MRPS25: variants seen among roughly 807,000 people sequenced by gnomAD.
The protein encoded by MRPS25 is small ribosomal subunit protein mS25.
MRPS25 carries 15 observed loss-of-function variants against 17.3 expected under a neutral mutation model. The observed-to-expected ratio is 0.87, with a 90% CI of 0.58 to 1.34. MRPS25 has a LOEUF of 1.34. Among genes scored for constraint, MRPS25 ranks in the 40% most tolerant of loss-of-function variants. The pLI is 0.00. For missense variants in MRPS25, 225 were observed against 218.6 expected, an observed-to-expected ratio of 1.03 and a Z score of -0.19; for synonymous variants, 94 against 83.3, an observed-to-expected ratio of 1.13 and a Z score of -0.70.
chr3:15,056,287 A>G (rs2042672476), intron 2 of MRPS25, among the ~76,000 whole-genome samples: 1 of 152,210 alleles, frequency 6.6e-6, no homozygotes, highest in African/African-American at 2.4e-5. Flanking sequence ...AGGAAAAGAT[A>G]CTTGGGGGAA....
chr3:15,042,961 A>G (rs1173788324), downstream of MRPS25: 1 of 1,614,206 alleles, frequency 6.2e-7, no homozygotes, highest in Non-Finnish European at 8.5e-7. Context: ...CATCCTCAAG[A>G]TGGAGACAGC....
Position 15,052,444 on chromosome 3 carries a change from G to A in MRPS25, c.519C>T (p.Asp173=), listed in dbSNP as rs763935159. 2.1e-5 allele frequency: 34 copies of A among 1,613,088 alleles called. No individual in the cohort carries two copies. The highest frequency in any genetic ancestry group is 2.6e-5 in the Non-Finnish European group (31 of 1,179,260). ...CAGCCCACAGTGACCGTGGGCCTTA[G>A]TCCTGGGCATCGGCTTTCAGAGCGG... is the stretch of plus-strand genomic sequence containing the variant. ...YKAALKADAQ[D] The change falls in exon 4 of 4, where the codon GAC becomes GAT. Residue 173 remains aspartate, a synonymous_variant. Transcript: ENST00000253686.
chr3:15,046,288 T>G (rs764048055), downstream of MRPS25: 1 of 152,206 alleles, frequency 6.6e-6, no homozygotes, highest in Non-Finnish European at 1.5e-5. Flanking sequence ...TAGCTTGTCA[T>G]TGTCAGTATT....
rs1192875833 is a variant in MRPS25, at chr3:15,052,196, T to TA, written c.*244dup. 6 of 1,241,904 alleles carry TA rather than the reference T, an allele frequency of 4.8e-6. No homozygotes were observed. In the African/African-American group the frequency reaches 9.1e-5, roughly 19 times the overall value. 76.9% of individuals were successfully genotyped at this position (1,241,904 alleles called of 1,614,324 possible). A position where few individuals can be genotyped will look rare whatever the true frequency, so the allele number is the denominator to read the frequency against. On this transcript the variant is annotated 3_prime_UTR_variant, in exon 4 of 4. Coordinates refer to ENST00000253686, the MANE Select transcript of MRPS25 (RefSeq NM_022497.5). The stretch of plus-strand genomic sequence containing the variant: ...GGCCTTCCTCTTCACTAGGACCAGA[T>TA]ACACGCCAAGCTGCTATTAGGAAGC...
intron 2 of MRPS25, among the ~76,000 whole-genome samples, 176 bp downstream of exon 2, chr3:15,059,193 G>C (rs1575070443): frequency 1.3e-5 from 2 of 152,108 alleles, no homozygotes; most frequent in Non-Finnish European, 2.9e-5. Flanking sequence ...GAGGGAAAGA[G>C]TCCAGACCTC....
intron 1 of MRPS25, among the ~76,000 whole-genome samples, chr3:15,061,469 C>T (rs1301943905): frequency 5.9e-5 from 9 of 152,336 alleles, no homozygotes; most frequent in Admixed American, 3.3e-4. Flanking sequence ...CCGCCAGCCT[C>T]GGCCTCCAGA....
chr3:15,057,472 A>C (rs2042688009), intron 2 of MRPS25, among the ~76,000 whole-genome samples: 1 of 152,248 alleles, frequency 6.6e-6, no homozygotes. Context: ...AAAAACCACG[A>C]AACATGTAAC....
intron 1 of MRPS25, among the ~76,000 whole-genome samples, chr3:15,061,904 C>T (rs1184104494): frequency 1.1e-4 from 16 of 151,144 alleles, no homozygotes; most frequent in Non-Finnish European, 1.9e-4. Context: ...GCCCGGCAGC[C>T]GCCCTGTCTG....
At chr3:15,054,555 A>T (rs1322242014) in intron 2 of MRPS25, among the ~76,000 whole-genome samples, 2 of 152,226 alleles carry the variant, frequency 1.3e-5, no homozygotes, top group South Asian at 2.1e-4. Context: ...AAAAAAATTA[A>T]AACTCAAAAT....
chr3:15,055,726 TA>T (rs1285676779), intron 2 of MRPS25, among the ~76,000 whole-genome samples: 4 of 150,998 alleles, frequency 2.6e-5, no homozygotes, highest in African/African-American at 9.7e-5. Context: ...CTCCGTCTTT[TA>T]AAAAAAAATT....
chr3:15,043,848 T>G (rs141797055), downstream of MRPS25: 1 of 152,246 alleles, frequency 6.6e-6, no homozygotes, highest in Non-Finnish European at 1.5e-5. Context: ...TAGTCAGACA[T>G]TAACTGCCAA....
At position 15,059,439 on chromosome 3, in the gene MRPS25, G is replaced by C. The variant is rs1247402228; in HGVS notation, c.171C>G (p.Tyr57Ter). 1.9e-6 allele frequency: 3 copies of C among 1,613,524 alleles called. No homozygotes were observed. The highest frequency in any genetic ancestry group is 2.7e-5 in the African/African-American group (2 of 74,912). The part of the protein sequence containing the change: ...FVFFNIPQIQ[Y>*]KNPWVQIMMF... ...TCATGATCTGCACCCAAGGGTTTTTGTATTGAATCTGAGGTATGTTGAAAA... is the reference window on the plus strand; with the variant it reads ...TCATGATCTGCACCCAAGGGTTTTTCTATTGAATCTGAGGTATGTTGAAAA... Residue 57 changes from tyrosine (Y) to a stop codon, truncating the protein, a stop_gained, in exon 2 of 4, where the codon TAC becomes TAG. Transcript: ENST00000253686. LOFTEE classifies it high-confidence loss of function.
rs749271920 is a variant in MRPS25 at position 15,048,869 on chromosome 3, A to G, written c.*3572T>C. ...ATTACCAGCCCTTTTAAAGGCATCT[A>G]TCTATCAAAGGAAAATTTGGGTGTT... On this transcript the variant is annotated 3_prime_UTR_variant, in exon 4 of 4. Coordinates refer to ENST00000253686, the MANE Select transcript of MRPS25 (RefSeq NM_022497.5). 3.9e-5 allele frequency: 6 copies of G among 152,722 alleles called. No individual in the cohort carries two copies. Among genetic ancestry groups the G allele is most frequent in the African/African-American group, 1.2e-4 (5 of 41,524 alleles). The allele number at this position is 152,722 out of a possible 1,614,324, so 9.5% of individuals were successfully genotyped here.
rs1169732136 is a variant in MRPS25, at chr3:15,050,221, G to A, written c.*2220C>T. 1.7e-6 allele frequency: 2 copies of A among 1,163,918 alleles called. No individual in the cohort carries two copies. The highest frequency in any genetic ancestry group is 2.1e-6 in the Non-Finnish European group (2 of 942,626). The allele number at this position is 1,163,918 out of a possible 1,614,324, so 72.1% of individuals were successfully genotyped here. A position where few individuals can be genotyped will look rare whatever the true frequency, so the allele number is the denominator to read the frequency against. On this transcript the variant is annotated 3_prime_UTR_variant, in exon 4 of 4. Coordinates refer to ENST00000253686, the MANE Select transcript of MRPS25 (RefSeq NM_022497.5). ...GCTGCCTGTGAAGCTGGCCACACAG[G>A]CAGTAACTGCACCACAGGACTGCTG...
intron 1 of MRPS25, among the ~76,000 whole-genome samples, chr3:15,063,394 G>A (rs1370388867): frequency 2.0e-5 from 3 of 152,144 alleles, no homozygotes; most frequent in Non-Finnish European, 2.9e-5. Flanking sequence ...TGGCTGGACC[G>A]GTCGCAGGCA....
chr3:15,062,612 T>C (rs2042791775), intron 1 of MRPS25, among the ~76,000 whole-genome samples: 1 of 152,002 alleles, frequency 6.6e-6, no homozygotes, highest in Non-Finnish European at 1.5e-5. Context: ...CAATGGCAGT[T>C]TTGTGGAATA....
At chr3:15,054,447 CAGG>C (rs1463819125) in intron 2 of MRPS25, among the ~76,000 whole-genome samples, 22 of 150,996 alleles carry the variant, frequency 1.5e-4, no homozygotes, top group African/African-American at 5.1e-4. Context: ...GAGGCTGAGG[CAGG>C]AGAACAGCTT....
At chr3:15,061,219 CCCACGGTCTCCCTCTCCCTCTTT>C (rs1458695123) in intron 1 of MRPS25, among the ~76,000 whole-genome samples, 34 of 152,240 alleles carry the variant, frequency 2.2e-4, no homozygotes, top group East Asian at 1.4e-3. Flanking sequence ...TCTCCCTCTC[CCCACGGTCTCCCTCTCCCTCTTT>C]CCACGGTCTC....
chr3:15,059,535 T>C, intron 1 of MRPS25, 60 bp from the exon 2 acceptor site: 1 of 1,143,404 alleles, frequency 8.7e-7, no homozygotes, highest in Non-Finnish European at 1.3e-6. Flanking sequence ...ATTTTATGCG[T>C]GGGTATTTTT....
Sources: allele counts gnomAD v4.1 joint callset (sites outside exome capture counted in the v4.1 genomes callset), GRCh38; gene constraint gnomAD v4.1.1; transcripts MANE v1.5; gene names NCBI Gene and HGNC (gene_info 2026-07-23, HGNC 2026-07-21).